MAPK3: variants seen among roughly 807,000 people sequenced by gnomAD.
MAPK3 encodes the protein mitogen-activated protein kinase 3.
Under a neutral mutation model 41.8 loss-of-function variants are expected in MAPK3, and 30 were observed. That is an observed-to-expected ratio of 0.72 (90% confidence interval 0.54 to 0.97). The LOEUF (loss-of-function observed/expected upper bound fraction) is 0.97, where lower values mean the gene tolerates loss of function less well. MAPK3 is among the 50% of genes least tolerant of loss of function. The pLI is 0.00. For synonymous variants in MAPK3, 222 were observed against 213.4 expected (o/e 1.04, Z -0.35); for missense variants, 413 against 509.9 (o/e 0.81, Z 1.83).
chr16:30,121,990 C>T lies in MAPK3; in HGVS notation c.187G>A (p.Val63Met), dbSNP rs200617125. 8.3e-4 allele frequency: 1,344 copies of T among 1,614,094 alleles called. 4 individuals carry two copies. Among genetic ancestry groups the T allele is most frequent in the Admixed American group, 1.1e-3 (64 of 60,008 alleles). ...TTGATGGCCACGCGAGTCTTGCGCA[C>T]GTGGTCATAGGCCGAGCTGAGGGGA... ...YGMVSSAYDH[V>M]RKTRVAIKKI... The change falls in exon 2 of 9, where the codon GTG becomes ATG. Residue 63 changes from valine to methionine, a missense_variant. Around this residue, in one of 4 missense-constraint regions of MAPK3, gnomAD observed 145 missense variants for 133.0 expected, o/e 1.09. Transcript: ENST00000263025.
chr16:30,115,109 C>G (rs1484045130), intron 8 of MAPK3, among the ~76,000 whole-genome samples: 4 of 151,754 alleles, frequency 2.6e-5, no homozygotes, highest in African/African-American at 7.3e-5. Context: ...GTTGCAATGG[C>G]TCGTCCAGCT....
chr16:30,121,750 G>A, intron 2 of MAPK3, 74 bp downstream of exon 2: 5 of 1,480,730 alleles, frequency 3.4e-6, no homozygotes, highest in Non-Finnish European at 4.6e-6. Context: ...GATGGAAACA[G>A]AAACCAAGCA....
At chr16:30,116,302 G>A (rs1237781814) in intron 8 of MAPK3, among the ~76,000 whole-genome samples, 1 of 151,956 alleles carries the variant, frequency 6.6e-6, no homozygotes, top group Non-Finnish European at 1.5e-5. Context: ...GCCTCCCAAA[G>A]TGCTGGGATT....
intron 2 of MAPK3, 80 bp downstream of exon 2, chr16:30,121,744 G>A (rs1418671054): frequency 6.9e-7 from 1 of 1,439,966 alleles, no homozygotes; most frequent in African/African-American, 1.4e-5. Context: ...GGGTAAGATG[G>A]AAACAGAAAC....
chr16:30,122,139 T>C, intron 1 of MAPK3, 133 bp from the exon 2 acceptor site: 2 of 820,816 alleles, frequency 2.4e-6, no homozygotes, highest in African/African-American at 1.7e-5. Flanking sequence ...ACAATGCTGG[T>C]TCCTTCCTGC....
At chr16:30,122,373 A>C in intron 1 of MAPK3, 2 of 334,468 alleles carry the variant, frequency 6.0e-6, no homozygotes, top group Non-Finnish European at 1.1e-5. Context: ...TGGGGCAAAT[A>C]CTGGGAAGGT....
At position 30,122,930 on chromosome 16, in the gene MAPK3, C is replaced by G. The variant is rs80260207; in HGVS notation, c.170+110G>C. The G allele has an allele frequency of 0.016, 17,166 of 1,047,788 alleles. 695 individuals carry two copies. The East Asian group carries it at 0.17, about 11-fold the overall frequency. The allele number at this position is 1,047,788 out of a possible 1,614,324, so 64.9% of individuals were successfully genotyped here. A position where few individuals can be genotyped will look rare whatever the true frequency, so the allele number is the denominator to read the frequency against. ...CCGATCATCCCGAGTCTCCTGCCTCCTCGGGACGCTCCGCGTCTCCACGTC... is the reference window on the plus strand; with the variant it reads ...CCGATCATCCCGAGTCTCCTGCCTCGTCGGGACGCTCCGCGTCTCCACGTC... On this transcript the variant is annotated intron_variant, in intron 1 of 8. Transcript: ENST00000263025.
rs754076411 is a variant in MAPK3, at chr16:30,118,084, C to T, written c.623G>A (p.Arg208His). The T allele has an allele frequency of 1.5e-5, 24 of 1,613,998 alleles. No homozygotes were observed. The highest frequency in any genetic ancestry group is 4.5e-5 in the East Asian group (2 of 44,892). ...CATGATCTCTGGGGCCCGGTACCAG[C>T]GCGTAGCCACATACTCCGTCAGGAA... ...TGFLTEYVAT[R>H]WYRAPEIMLN... The change falls in exon 4 of 9, where the codon CGC (arginine) becomes CAC (histidine). Residue 208 changes from arginine to histidine, a missense_variant. Arg to His is a conservative substitution (Grantham distance 29). Around this residue, in one of 4 missense-constraint regions of MAPK3, gnomAD observed 140 missense variants for 206.0 expected, o/e 0.68. Transcript: ENST00000263025.
intron 1 of MAPK3, chr16:30,122,827 C>G: frequency 2.2e-6 from 1 of 453,886 alleles, no homozygotes; most frequent in Non-Finnish European, 3.9e-6. Flanking sequence ...CTCAAAGCCT[C>G]CAAGCCTGCT....
At chr16:30,117,815 G>A (rs1300199526) in intron 4 of MAPK3, 31 bp from the exon 5 acceptor site, 1 of 1,539,908 alleles carries the variant, frequency 6.5e-7, no homozygotes, top group Non-Finnish European at 9.0e-7. Context: ...GTGAGCTCCT[G>A]GGCCAGCCTC....
Position 30,122,013 on chromosome 16 carries a change from G to A in MAPK3, c.171-7C>T, listed in dbSNP as rs1214809593. Reference sequence around the variant, plus strand: ...CACGTGGTCATAGGCCGAGCTGAGGGGACCGGAGAGAGGCTGCTGCTGTGG... The same window carrying A: ...CACGTGGTCATAGGCCGAGCTGAGGAGACCGGAGAGAGGCTGCTGCTGTGG... On this transcript the variant is annotated splice_region_variant and splice_polypyrimidine_tract_variant and intron_variant, in intron 1 of 8. Transcript: ENST00000263025. 6.2e-7 allele frequency: 1 copy of A among 1,613,838 alleles called. No individual in the cohort carries two copies. Among genetic ancestry groups the A allele is most frequent in the Non-Finnish European group, 8.5e-7 (1 of 1,180,020 alleles).
At chr16:30,116,841 G>T (rs61764219) in intron 7 of MAPK3, 51 bp from the exon 8 acceptor site, 1 of 1,613,284 alleles carries the variant, frequency 6.2e-7, no homozygotes, top group Admixed American at 1.7e-5. Flanking sequence ...GGATGCCTAC[G>T]TGCCCCCCTG....
chr16:30,117,085 G>A, intron 6 of MAPK3, 69 bp downstream of exon 6: 1 of 1,602,930 alleles, frequency 6.2e-7, no homozygotes, highest in South Asian at 1.1e-5. Flanking sequence ...TCCTCCAGCG[G>A]CTGCTGGGCT....
Position 30,121,836 on chromosome 16 carries a change from G to C in MAPK3, c.341C>G (p.Ala114Gly), listed in dbSNP as rs61736373. The C allele has an allele frequency of 1.6e-4, 265 of 1,614,002 alleles. No homozygotes were observed. The Middle Eastern group carries it at 4.5e-3, about 27-fold the overall frequency. ...RDILRASTLE[A>G]MRDVYIVQDL... ...AGGTGAAGGATACACATCTCTCATG[G>C]CTTCCAGGGTGGACGCCCGCAGAAT... Residue 114 changes from alanine (A) to glycine (G), a missense_variant, in exon 2 of 9, where the codon GCC becomes GGC. Ala to Gly is a moderately conservative substitution (Grantham distance 60). This residue lies in a region of MAPK3 where 140 missense variants were observed against 206.0 expected (regional missense o/e 0.68). Transcript: ENST00000263025.
chr16:30,120,338 A>G (rs1213355282), intron 2 of MAPK3, among the ~76,000 whole-genome samples: 10 of 140,866 alleles, frequency 7.1e-5, no homozygotes, highest in Admixed American at 6.3e-4. Flanking sequence ...TCCTGTCCAC[A>G]GTTTGTGGTG....
chr16:30,123,140 C>G lies in MAPK3; in HGVS notation c.70G>C (p.Val24Leu). 6.5e-7 allele frequency: 1 copy of G among 1,538,340 alleles called. No homozygotes were observed. Among genetic ancestry groups the G allele is most frequent in the Non-Finnish European group, 8.8e-7 (1 of 1,141,354 alleles). ...PRRTEGVGPG[V>L]PGEVEMVKGQ... The stretch of plus-strand genomic sequence containing the variant: ...TTCACCATCTCCACCTCCCCCGGGA[C>G]CCCCGGGCCGACCCCCTCGGTTCTA... Residue 24 changes from valine to leucine, a missense_variant, in exon 1 of 9, where the codon GTC becomes CTC. Physicochemically the swap from Val to Leu is conservative, Grantham distance 32. This residue lies in a region of MAPK3 where 145 missense variants were observed against 133.0 expected (regional missense o/e 1.09). Transcript: ENST00000263025.
intron 2 of MAPK3, among the ~76,000 whole-genome samples, chr16:30,120,572 T>C (rs1303201071): frequency 6.6e-6 from 1 of 151,980 alleles, no homozygotes; most frequent in African/African-American, 2.4e-5. Context: ...AGGGTGTGGC[T>C]CTGAGTGAGA....
Position 30,118,465 on chromosome 16 carries a change from T to C in MAPK3, c.427A>G (p.Ile143Val). ...AGGATCTGGTAGAGGAAGTAGCAGA[T>C]ATGGTCATTGCTCAGCTGCTGGCTT... ...LKSQQLSNDH[I>V]CYFLYQILRG... is the part of the protein sequence containing the mutation. The change falls in exon 3 of 9, where the codon ATC (isoleucine) becomes GTC (valine). Residue 143 changes from isoleucine (I) to valine (V), a missense_variant. Ile to Val is a conservative substitution (Grantham distance 29). This residue lies in a region of MAPK3 where 140 missense variants were observed against 206.0 expected (regional missense o/e 0.68). Transcript: ENST00000263025. 4 of 1,613,986 alleles carry C rather than the reference T, an allele frequency of 2.5e-6. No individual in the cohort carries two copies. Among genetic ancestry groups the C allele is most frequent in the Non-Finnish European group, 3.4e-6 (4 of 1,179,978 alleles).
chr16:30,122,684 C>T (rs971817978), intron 1 of MAPK3: 2 of 209,328 alleles, frequency 9.6e-6, no homozygotes, highest in South Asian at 1.3e-4. Flanking sequence ...AAAACGGGCC[C>T]TCCACTGCCT....
Sources: allele counts gnomAD v4.1 joint callset (sites outside exome capture counted in the v4.1 genomes callset), GRCh38; gene constraint gnomAD v4.1.1; regional missense constraint gnomAD v4.1.1; transcripts MANE v1.5; gene names NCBI Gene and HGNC (gene_info 2026-07-23, HGNC 2026-07-21).